SMAP2: variants seen among roughly 807,000 people sequenced by gnomAD.
The protein encoded by SMAP2 is small ArfGAP2.
Under a neutral mutation model 56.4 loss-of-function variants are expected in SMAP2, and 25 were observed. The ratio of observed to expected loss-of-function variants is 0.44; its 90% CI spans 0.32 to 0.62. The LOEUF is 0.62. Ranked by LOEUF, SMAP2 falls within the 20% of genes least tolerant of loss-of-function variation. The pLI is 0.04. For synonymous variants in SMAP2, 157 were observed against 181.7 expected (o/e 0.86, Z 1.09); for missense variants, 388 against 545.6 (o/e 0.71, Z 2.88).
chr1:40,409,294 A>G (rs925393486), intron 3 of SMAP2, among the ~76,000 whole-genome samples: 2 of 151,864 alleles, frequency 1.3e-5, no homozygotes, highest in Non-Finnish European at 2.9e-5. Context: ...TTTTTTTTTA[A>G]TGGGTTCAGG....
intron 1 of SMAP2, among the ~76,000 whole-genome samples, chr1:40,353,309 G>A (rs1644417940): frequency 6.6e-6 from 1 of 152,224 alleles, no homozygotes; most frequent in Non-Finnish European, 1.5e-5. Flanking sequence ...GTGACCATGA[G>A]GTGATTTACA....
intron 1 of SMAP2, among the ~76,000 whole-genome samples, chr1:40,396,042 T>C (rs148028690): frequency 9.0e-4 from 137 of 152,352 alleles, no homozygotes; most frequent in African/African-American, 3.1e-3. Context: ...CTATGTCTGT[T>C]CTATCATTGA....
At chr1:40,396,771 T>C (rs1030668986) in intron 1 of SMAP2, 5 of 825,698 alleles carry the variant, frequency 6.1e-6, no homozygotes, top group African/African-American at 1.9e-5. Context: ...GATGAAAACA[T>C]AGAGGTAAAC....
chr1:40,415,269 T>C lies in SMAP2; in HGVS notation c.572-3T>C, dbSNP rs1644975705. 6.2e-7 allele frequency: 1 copy of C among 1,608,346 alleles called. No homozygotes were observed. Among genetic ancestry groups the C allele is most frequent in the African/African-American group, 1.3e-5 (1 of 74,818 alleles). ...GCATCTTAACTTCGATCTCTCTTTC[T>C]AGATGCTCCTGTGGCCTGCTCCATT... On this transcript the variant is annotated splice_polypyrimidine_tract_variant and splice_region_variant and intron_variant, in intron 6 of 9. Transcript: ENST00000372718.
intron 1 of SMAP2, among the ~76,000 whole-genome samples, chr1:40,382,588 G>C (rs191479813): frequency 9.1e-4 from 138 of 152,254 alleles, no homozygotes; most frequent in African/African-American, 3.2e-3. Context: ...TTCTGTATTG[G>C]CCCCTGGAAT....
chr1:40,416,143 T>G (rs761025974), intron 7 of SMAP2, 33 bp from the exon 8 acceptor site: 1 of 1,596,498 alleles, frequency 6.3e-7, no homozygotes, highest in Non-Finnish European at 8.5e-7. Flanking sequence ...ATGAGAACCA[T>G]TTCAATTCTC....
intron 1 of SMAP2, among the ~76,000 whole-genome samples, chr1:40,397,979 CTT>C (rs1644788662): frequency 6.6e-6 from 1 of 152,042 alleles, no homozygotes; most frequent in African/African-American, 2.4e-5. Flanking sequence ...TCTCAACAGA[CTT>C]TATATATTAT....
At chr1:40,360,689 G>A (rs1245744973) in intron 1 of SMAP2, among the ~76,000 whole-genome samples, 5 of 152,216 alleles carry the variant, frequency 3.3e-5, no homozygotes, top group Non-Finnish European at 7.3e-5. Flanking sequence ...GTGTGCTTGG[G>A]AGAAGGAGAG....
chr1:40,422,396 C>A lies in SMAP2; in HGVS notation c.*295C>A. ...ACTTAAACTGTGGGAGAAGTGTGCA[C>A]ACCTTTGAGTCCCTTCCCTCAAGGT... On this transcript the variant is annotated 3_prime_UTR_variant, in exon 10 of 10. Coordinates refer to ENST00000372718, the MANE Select transcript of SMAP2 (RefSeq NM_022733.3). The A allele has an allele frequency of 2.8e-6, 1 of 361,682 alleles. No homozygotes were observed. The highest frequency in any genetic ancestry group is 5.3e-6 in the Non-Finnish European group (1 of 187,260). 22.4% of individuals were successfully genotyped at this position (361,682 alleles called of 1,614,324 possible).
chr1:40,383,107 A>T (rs1357301717), intron 1 of SMAP2, among the ~76,000 whole-genome samples: 3 of 152,234 alleles, frequency 2.0e-5, no homozygotes, highest in African/African-American at 7.2e-5. Flanking sequence ...AGGCTGCTAG[A>T]AGAGCCAAGA....
At chr1:40,375,106 C>A (rs1644529645) in intron 1 of SMAP2, 2 of 984,846 alleles carry the variant, frequency 2.0e-6, no homozygotes, top group African/African-American at 1.7e-5. Flanking sequence ...AATTAAAAGT[C>A]AGTACAATAG....
chr1:40,396,347 C>T (rs1023336546), intron 1 of SMAP2, among the ~76,000 whole-genome samples: 5 of 152,158 alleles, frequency 3.3e-5, no homozygotes, highest in Admixed American at 6.5e-5. Context: ...GTGATCACCC[C>T]TAGAAGGAGG....
chr1:40,347,046 T>G (rs1308475280), intron 1 of SMAP2, among the ~76,000 whole-genome samples: 1 of 150,586 alleles, frequency 6.6e-6, no homozygotes, highest in Non-Finnish European at 1.5e-5. Flanking sequence ...ATTTATTTAT[T>G]TATTTATTTA....
chr1:40,381,470 A>T (rs917538736), intron 1 of SMAP2, among the ~76,000 whole-genome samples: 3 of 152,212 alleles, frequency 2.0e-5, no homozygotes, highest in Non-Finnish European at 4.4e-5. Flanking sequence ...TGACTTTGCC[A>T]AGCTAATTTA....
chr1:40,359,814 A>C (rs907042687), intron 1 of SMAP2, among the ~76,000 whole-genome samples: 1 of 152,106 alleles, frequency 6.6e-6, no homozygotes, highest in Non-Finnish European at 1.5e-5. Context: ...ATAAAAACTC[A>C]ACACTTTATC....
intron 4 of SMAP2, 72 bp from the exon 5 acceptor site, chr1:40,412,944 C>G: frequency 8.3e-7 from 1 of 1,201,044 alleles, no homozygotes. Context: ...TTTTCGGACA[C>G]TTGGAATTAT....
At chr1:40,384,420 A>T (rs1310783152) in intron 1 of SMAP2, among the ~76,000 whole-genome samples, 1 of 152,228 alleles carries the variant, frequency 6.6e-6, no homozygotes, top group East Asian at 1.9e-4. Context: ...CTGCTGCTCC[A>T]TTTAAGGGCA....
At chr1:40,401,669 G>C (rs1341269170) in intron 1 of SMAP2, among the ~76,000 whole-genome samples, 1 of 152,180 alleles carries the variant, frequency 6.6e-6, no homozygotes, top group Non-Finnish European at 1.5e-5. Flanking sequence ...AGTTTCAGCA[G>C]CAAGAGGAAT....
At chr1:40,394,625 C>A (rs1644751697) in intron 1 of SMAP2, among the ~76,000 whole-genome samples, 1 of 152,082 alleles carries the variant, frequency 6.6e-6, no homozygotes, top group Non-Finnish European at 1.5e-5. Context: ...CATAGCAGCA[C>A]ATACCAGAAT....
Sources: gnomAD v4.1 joint callset for allele counts (sites outside exome capture counted in the v4.1 genomes callset) on GRCh38, gnomAD v4.1.1 for gene constraint, MANE v1.5 for transcripts, NCBI Gene and HGNC (gene_info 2026-07-23, HGNC 2026-07-21) for gene names.